The following LIN28B variants were observed in gnomAD, a reference collection of about 807,000 sequenced individuals.
The protein encoded by LIN28B is protein lin-28 homolog B.
A neutral mutation model predicts 21.9 loss-of-function variants in LIN28B; 5 were observed. That is an observed-to-expected ratio of 0.23 (90% CI 0.12 to 0.48). The LOEUF (loss-of-function observed/expected upper bound fraction) is 0.48. Ranked by LOEUF, LIN28B falls within the 20% of genes least tolerant of loss-of-function variation. The probability of loss-of-function intolerance (pLI) is 0.98; values close to 1 mark genes in which losing one functional copy is unlikely to be tolerated. For missense variants in LIN28B, 245 were observed against 310.5 expected (o/e 0.79, Z 1.58); for synonymous variants, 109 against 111.3 (o/e 0.98, Z 0.13).
intron 3 of LIN28B, among the ~76,000 whole-genome samples, chr6:105,061,504 C>G (rs1290791787): frequency 2.0e-5 from 3 of 151,044 alleles, no homozygotes; most frequent in African/African-American, 7.3e-5. Flanking sequence ...TATTTTTGCT[C>G]TCGCTCCCCC....
rs144635116 is a variant in LIN28B, at chr6:105,078,605, C to T, written c.575C>T (p.Pro192Leu). 99 of 1,614,136 alleles carry T rather than the reference C, an allele frequency of 6.1e-5. 1 individual carries two copies. In the African/African-American group the frequency reaches 1.1e-3, roughly 17 times the overall value. ...TCCCAGCCATGCACTTCAACTCTCC[C>T]TCGAGAAGTGGGAGGCGGGCATGGC... ...AESQPCTSTL[P>L]REVGGGHGCT... The change falls in exon 4 of 4, where the codon CCT becomes CTT. Residue 192 changes from proline (P) to leucine (L), a missense_variant. Physicochemically the swap from Pro to Leu is moderately conservative, Grantham distance 98. Coordinates refer to ENST00000345080, the MANE Select transcript of LIN28B (RefSeq NM_001004317.4).
chr6:104,955,574 T>C (rs1778274860), upstream of LIN28B, among the ~76,000 whole-genome samples: 1 of 152,156 alleles, frequency 6.6e-6, no homozygotes, highest in Non-Finnish European at 1.5e-5. Context: ...AATAGGTGTA[T>C]ACAGCTTTTT....
chr6:105,003,007 G>T (rs985978237), intron 2 of LIN28B, among the ~76,000 whole-genome samples: 54 of 152,108 alleles, frequency 3.6e-4, no homozygotes, highest in Admixed American at 5.2e-4. Flanking sequence ...GTAAGACTTC[G>T]GGCAGGTTAA....
intron 3 of LIN28B, among the ~76,000 whole-genome samples, chr6:105,030,812 T>A (rs547754564): frequency 1.7e-4 from 26 of 151,910 alleles, no homozygotes; most frequent in Admixed American, 8.5e-4. Flanking sequence ...GCCAGGCTGG[T>A]CTCGAATCCT....
At chr6:104,943,982 C>G (rs928324609) in intron 2 of LIN28B, among the ~76,000 whole-genome samples, 1 of 152,082 alleles carries the variant, frequency 6.6e-6, no homozygotes, top group Non-Finnish European at 1.5e-5. Context: ...CAATGATGCT[C>G]GACAAAGTCG....
At chr6:104,971,934 A>G (rs1769992128) in intron 2 of LIN28B, among the ~76,000 whole-genome samples, 1 of 152,070 alleles carries the variant, frequency 6.6e-6, no homozygotes, top group East Asian at 1.9e-4. Context: ...ACTAACATTT[A>G]TTGTTGAAAT....
At chr6:104,993,344 C>T (rs188014678) in intron 2 of LIN28B, among the ~76,000 whole-genome samples, 1 of 152,200 alleles carries the variant, frequency 6.6e-6, no homozygotes, top group Non-Finnish European at 1.5e-5. Flanking sequence ...TGGAGAGGAC[C>T]TGTAGTCTGA....
intron 2 of LIN28B, among the ~76,000 whole-genome samples, chr6:104,983,206 A>T (rs958604877): frequency 6.6e-6 from 1 of 152,246 alleles, no homozygotes; most frequent in African/African-American, 2.4e-5. Context: ...ATGGCATAAC[A>T]GATGAGCTAA....
chr6:105,030,617 G>C (rs1217974706), intron 3 of LIN28B, among the ~76,000 whole-genome samples: 52 of 111,210 alleles, frequency 4.7e-4, no homozygotes, highest in Non-Finnish European at 7.3e-4. Context: ...TTTTTTTGGA[G>C]ACAGAGTTTG....
intron 2 of LIN28B, among the ~76,000 whole-genome samples, chr6:105,025,024 A>G (rs190379070): frequency 8.8e-4 from 134 of 152,314 alleles, no homozygotes; most frequent in Non-Finnish European, 1.5e-3. Flanking sequence ...TCACAGAGAA[A>G]CAACATACAG....
intron 3 of LIN28B, among the ~76,000 whole-genome samples, chr6:105,077,627 A>C (rs1772457795): frequency 6.6e-6 from 1 of 152,214 alleles, no homozygotes; most frequent in Admixed American, 6.5e-5. Context: ...TCACCCTAAA[A>C]GAAAGCTAAT....
intron 3 of LIN28B, among the ~76,000 whole-genome samples, chr6:105,074,420 G>A (rs764160810): frequency 3.3e-5 from 5 of 152,070 alleles, no homozygotes; most frequent in African/African-American, 4.8e-5. Context: ...AGATGGTCTC[G>A]ATCTCCTGAC....
chr6:104,980,335 G>T (rs899202282), intron 2 of LIN28B, among the ~76,000 whole-genome samples: 1 of 152,160 alleles, frequency 6.6e-6, no homozygotes, highest in Non-Finnish European at 1.5e-5. Flanking sequence ...GAGAAAGGAA[G>T]ATGTTTTGTC....
chr6:105,070,900 G>A lies in LIN28B; in HGVS notation c.384-7514G>A, dbSNP rs569492095. On this transcript the variant is annotated intron_variant, in intron 3 of 3. Transcript: ENST00000345080. ...TCATTCATTCATTCATTCATTTGAC[G>A]GAGTCTTGCTCTGTCACCCAGGCTG... Among the ~76,000 whole-genome samples the A allele has an allele frequency of 1.6e-4, 25 of 151,704 alleles. No homozygotes were observed. The East Asian group carries it at 3.1e-3, about 19-fold the overall frequency.
intron 3 of LIN28B, among the ~76,000 whole-genome samples, chr6:105,030,592 C>CTTTTTTTTTTTTTTTTTTTTT (rs980799980): frequency 9.4e-6 from 1 of 106,596 alleles, no homozygotes; most frequent in Non-Finnish European, 1.9e-5. Flanking sequence ...TTCTTTCTTT[C>CTTTTTTTTTTTTTTTTTTTTT]TTTTTTTTTT....
At chr6:104,965,512 G>A (rs1769837158) in intron 2 of LIN28B, among the ~76,000 whole-genome samples, 1 of 152,200 alleles carries the variant, frequency 6.6e-6, no homozygotes, top group South Asian at 2.1e-4. Flanking sequence ...GACAGAGCAA[G>A]ATGGTCTCTA....
At chr6:104,943,846 A>G (rs1002739305) in intron 2 of LIN28B, among the ~76,000 whole-genome samples, 7 of 152,276 alleles carry the variant, frequency 4.6e-5, no homozygotes, top group South Asian at 2.1e-4. Flanking sequence ...TTTACATTCA[A>G]ATACTTCAGG....
chr6:105,002,029 A>T (rs75142318), intron 2 of LIN28B, among the ~76,000 whole-genome samples: 1 of 152,292 alleles, frequency 6.6e-6, no homozygotes, highest in Non-Finnish European at 1.5e-5. Flanking sequence ...ATTGACTTAC[A>T]TGTATCCAGC....
At chr6:105,059,907 ATT>A (rs34165233) in intron 3 of LIN28B, among the ~76,000 whole-genome samples, 19,789 of 143,028 alleles carry the variant, frequency 0.14, 1,777 homozygotes, top group East Asian at 0.38. Context: ...ATGTTACTGT[ATT>A]TTTTTTTTTT....
Sources: allele counts gnomAD v4.1 joint callset (sites outside exome capture counted in the v4.1 genomes callset), GRCh38; gene constraint gnomAD v4.1.1; transcripts MANE v1.5; gene names NCBI Gene and HGNC (gene_info 2026-07-23, HGNC 2026-07-21).